TENM4: variants seen among roughly 807,000 people sequenced by gnomAD.
TENM4 encodes the protein teneurin transmembrane protein 4.
In TENM4, 82 loss-of-function variants were observed where a neutral mutation model predicts 243.3. The observed-to-expected ratio is 0.34, with a 90% CI of 0.28 to 0.40. The LOEUF is 0.40. Ranked by LOEUF, TENM4 falls within the 10% of genes least tolerant of loss-of-function variation. The probability of loss-of-function intolerance (pLI) is 1.00; values close to 1 mark genes in which losing one functional copy is unlikely to be tolerated. For synonymous variants in TENM4, 1,412 were observed against 1,456.3 expected (o/e 0.97, Z 0.69); for missense variants, 3,138 against 3,673.3 (o/e 0.85, Z 3.77).
chr11:78,692,796 C>T (rs548487109), intron 28 of TENM4, among the ~76,000 whole-genome samples: 6 of 152,302 alleles, frequency 3.9e-5, no homozygotes, highest in South Asian at 4.1e-4. Flanking sequence ...TCATGCTTCC[C>T]GTTCCCTCTG....
chr11:78,868,805 G>A (rs1286705778), intron 9 of TENM4, among the ~76,000 whole-genome samples: 4 of 152,280 alleles, frequency 2.6e-5, no homozygotes, highest in Non-Finnish European at 4.4e-5. Context: ...GACTAGACAC[G>A]GTTATAACCA....
At chr11:79,347,895 T>C (rs1857353880) in intron 1 of TENM4, among the ~76,000 whole-genome samples, 1 of 147,636 alleles carries the variant, frequency 6.8e-6, no homozygotes, top group African/African-American at 2.5e-5. Flanking sequence ...TTCTCCTGCC[T>C]CAGCCTCCCC....
chr11:79,434,640 A>G (rs1688646448), intron 1 of TENM4, among the ~76,000 whole-genome samples: 1 of 152,246 alleles, frequency 6.6e-6, no homozygotes, highest in Non-Finnish European at 1.5e-5. Context: ...AAAATTATGC[A>G]AATTCCCTGC....
intron 4 of TENM4, among the ~76,000 whole-genome samples, chr11:79,148,285 G>A (rs180805914): frequency 1.2e-4 from 19 of 152,244 alleles, no homozygotes; most frequent in Non-Finnish European, 2.5e-4. Context: ...AGAGAAGAAA[G>A]AGACTTGGCA....
intron 4 of TENM4, among the ~76,000 whole-genome samples, chr11:79,139,785 T>TATTA (rs762316039): frequency 2.1e-4 from 4 of 19,068 alleles, no homozygotes; most frequent in African/African-American, 9.8e-4. Flanking sequence ...ATAATATATA[T>TATTA]TATATTTATA....
chr11:79,146,680 A>G lies in TENM4; in HGVS notation c.-66+2030T>C, dbSNP rs1342050737. On this transcript the variant is annotated intron_variant, in intron 4 of 33. Coordinates refer to ENST00000278550, the MANE Select transcript of TENM4 (RefSeq NM_001098816.3). Reference sequence around the variant, plus strand: ...AGAAAAAAGCCACTAACCAAGGGAGAAAGACTCTCCCATATCCTAAGCACT... The same window carrying G: ...AGAAAAAAGCCACTAACCAAGGGAGGAAGACTCTCCCATATCCTAAGCACT... 2.0e-5 allele frequency among the ~76,000 whole-genome samples: 3 copies of G among 152,078 alleles called. No individual in the cohort carries two copies. The East Asian group carries it at 5.8e-4, about 29-fold the overall frequency.
intron 3 of TENM4, among the ~76,000 whole-genome samples, chr11:79,183,379 G>T (rs1008759740): frequency 6.6e-6 from 1 of 152,172 alleles, no homozygotes; most frequent in Non-Finnish European, 1.5e-5. Flanking sequence ...AAAGATCAGT[G>T]GTTGCCAGGG....
Position 78,712,716 on chromosome 11 carries a change from T to C in TENM4, c.3822-2A>G. ...TAGTATTTGTGTGCTGGACTGTGAC[T>C]AGAAAACAAAGACATGGCCAACTGG... On this transcript the variant is annotated splice_acceptor_variant, in intron 25 of 33. Coordinates refer to ENST00000278550, the MANE Select transcript of TENM4 (RefSeq NM_001098816.3). LOFTEE classifies it high-confidence loss of function. 6.2e-7 allele frequency: 1 copy of C among 1,612,590 alleles called. No homozygotes were observed. Among genetic ancestry groups the C allele is most frequent in the East Asian group, 2.2e-5 (1 of 44,848 alleles).
At chr11:78,678,099 G>A (rs1858531709) in intron 29 of TENM4, among the ~76,000 whole-genome samples, 1 of 22,522 alleles carries the variant, frequency 4.4e-5, no homozygotes. Context: ...CAAAGGATAT[G>A]AACTCATCAT....
intron 6 of TENM4, among the ~76,000 whole-genome samples, chr11:79,045,368 G>A (rs1246618638): frequency 6.6e-6 from 1 of 152,218 alleles, no homozygotes; most frequent in Non-Finnish European, 1.5e-5. Context: ...GGAGAGTGGT[G>A]AGAGACGGGG....
chr11:78,839,614 G>C (rs1427881475), intron 12 of TENM4, among the ~76,000 whole-genome samples: 1 of 151,756 alleles, frequency 6.6e-6, no homozygotes, highest in East Asian at 1.9e-4. Flanking sequence ...TCAGCCTCTT[G>C]TTTCTATGTC....
chr11:78,694,871 T>G (rs571924869), intron 28 of TENM4, among the ~76,000 whole-genome samples: 1 of 152,282 alleles, frequency 6.6e-6, no homozygotes, highest in South Asian at 2.1e-4. Flanking sequence ...GCTGCGTGGA[T>G]CCATGATTTC....
At chr11:79,117,785 C>T (rs1306300345) in intron 4 of TENM4, among the ~76,000 whole-genome samples, 1 of 152,212 alleles carries the variant, frequency 6.6e-6, no homozygotes, top group East Asian at 1.9e-4. Flanking sequence ...CCTTTCTACA[C>T]ATCAGTCTCT....
chr11:79,271,317 TAC>T (rs2135345558), intron 2 of TENM4, among the ~76,000 whole-genome samples: 1 of 152,316 alleles, frequency 6.6e-6, no homozygotes, highest in South Asian at 2.1e-4. Flanking sequence ...CAAAGATGAT[TAC>T]AGAGACTTTT....
intron 3 of TENM4, among the ~76,000 whole-genome samples, chr11:79,187,610 G>A (rs954997654): frequency 6.6e-6 from 1 of 152,158 alleles, no homozygotes; most frequent in Non-Finnish European, 1.5e-5. Context: ...GAGATGAATG[G>A]TGCCTCCCAC....
At chr11:79,005,479 TAAAC>T (rs1291009907) in intron 6 of TENM4, among the ~76,000 whole-genome samples, 1 of 152,082 alleles carries the variant, frequency 6.6e-6, no homozygotes, top group Admixed American at 6.6e-5. Context: ...ATTCATCACA[TAAAC>T]AAAACTCAAA....
In TENM4 at chr11:78,847,384, G is replaced by A. The variant is rs77176000; in HGVS notation, c.1681+6720C>T. ...ATCCCAAGGGCAGCAGAGATGCTGG[G>A]GGTGGGGACAGTGGGGAGCCCTGCC... On this transcript the variant is annotated intron_variant, in intron 12 of 33. Transcript: ENST00000278550. Among the ~76,000 whole-genome samples the A allele has an allele frequency of 6.3e-3, 954 of 152,342 alleles. 8 individuals are homozygous for A. Among genetic ancestry groups the A allele is most frequent in the African/African-American group, 0.022 (902 of 41,574 alleles).
intron 2 of TENM4, among the ~76,000 whole-genome samples, chr11:79,282,072 A>G (rs1029640210): frequency 6.6e-6 from 1 of 152,250 alleles, no homozygotes; most frequent in African/African-American, 2.4e-5. Context: ...AAGATGCTGA[A>G]TATCATTCAT....
At chr11:78,877,498 G>T (rs1261359156) in intron 9 of TENM4, among the ~76,000 whole-genome samples, 1 of 152,200 alleles carries the variant, frequency 6.6e-6, no homozygotes, top group Non-Finnish European at 1.5e-5. Context: ...ACGAGACGGG[G>T]AAAATTCCTT....
Sources: allele counts gnomAD v4.1 joint callset (sites outside exome capture counted in the v4.1 genomes callset), GRCh38; gene constraint gnomAD v4.1.1; transcripts MANE v1.5; gene names NCBI Gene and HGNC (gene_info 2026-07-23, HGNC 2026-07-21).